IMPG1: variants seen among roughly 807,000 people sequenced by gnomAD.
IMPG1 encodes the protein interphotoreceptor matrix proteoglycan 1.
Under a neutral mutation model 92.0 loss-of-function variants are expected in IMPG1, and 85 were observed. That is an observed-to-expected ratio of 0.92 (90% CI 0.78 to 1.11). The LOEUF is 1.11. Among genes scored for constraint, IMPG1 ranks in the 50% least tolerant of loss-of-function variants. The pLI is 0.00. For synonymous variants in IMPG1, 367 were observed against 334.1 expected (o/e 1.10, Z -1.08); for missense variants, 1,022 against 956.0 (o/e 1.07, Z -0.91).
intron 12 of IMPG1, among the ~76,000 whole-genome samples, chr6:75,971,194 C>A (rs892782694): frequency 6.6e-6 from 1 of 152,008 alleles, no homozygotes; most frequent in Non-Finnish European, 1.5e-5. Context: ...TGGAAACCAT[C>A]ATTCTCAGCA....
intron 2 of IMPG1, among the ~76,000 whole-genome samples, chr6:76,038,854 C>G (rs1783787769): frequency 6.6e-6 from 1 of 152,222 alleles, no homozygotes; most frequent in Admixed American, 6.5e-5. Context: ...GAGCACATAC[C>G]CTGGAGGCCA....
At chr6:75,989,871 T>G (rs1055899716) in intron 12 of IMPG1, among the ~76,000 whole-genome samples, 1 of 152,128 alleles carries the variant, frequency 6.6e-6, no homozygotes, top group African/African-American at 2.4e-5. Context: ...AATAATTATA[T>G]GTAGATCTTG....
chr6:76,014,251 GC>G (rs1783244233), intron 7 of IMPG1, among the ~76,000 whole-genome samples: 1 of 152,172 alleles, frequency 6.6e-6, no homozygotes, highest in Admixed American at 6.5e-5. Flanking sequence ...GCTCCTGAGA[GC>G]CCATTTTTCT....
chr6:75,939,075 G>A (rs1236724632), intron 14 of IMPG1, among the ~76,000 whole-genome samples: 5 of 152,194 alleles, frequency 3.3e-5, no homozygotes, highest in Non-Finnish European at 7.4e-5. Context: ...CTGGGCTCAA[G>A]CAATCCACCT....
At chr6:76,001,612 T>C (rs1782990748) in intron 12 of IMPG1, among the ~76,000 whole-genome samples, 1 of 152,052 alleles carries the variant, frequency 6.6e-6, no homozygotes, top group African/African-American at 2.4e-5. Flanking sequence ...AGAGAAGAAA[T>C]GAGGCCCCCA....
chr6:75,969,811 G>C (rs936441671), intron 12 of IMPG1, among the ~76,000 whole-genome samples: 1 of 152,026 alleles, frequency 6.6e-6, no homozygotes, highest in Non-Finnish European at 1.5e-5. Context: ...AATTTCAAAC[G>C]TATCTATATT....
intron 12 of IMPG1, among the ~76,000 whole-genome samples, chr6:76,000,038 C>T (rs566086119): frequency 7.0e-4 from 107 of 152,236 alleles, no homozygotes; most frequent in Non-Finnish European, 1.2e-3. Context: ...GTACTATAAC[C>T]GAGACTGTCC....
rs1782180338 is a variant in IMPG1 at position 75,959,479 on chromosome 6, C to T, written c.1292-8385G>A. 1.3e-5 allele frequency among the ~76,000 whole-genome samples: 2 copies of T among 152,344 alleles called. 1 individual carries two copies. The highest frequency in any genetic ancestry group is 4.1e-4 in the South Asian group (2 of 4,826). ...GAAGCTGCATCCACAGCCCCCCCTT[C>T]CCCCAGGTGCTCTGTCCCAGGGAGA... On this transcript the variant is annotated intron_variant, in intron 12 of 16. Coordinates refer to ENST00000369950, the MANE Select transcript of IMPG1 (RefSeq NM_001563.4).
At chr6:75,936,069 C>T (rs1467649001) in intron 14 of IMPG1, among the ~76,000 whole-genome samples, 1 of 152,226 alleles carries the variant, frequency 6.6e-6, no homozygotes, top group Admixed American at 6.5e-5. Flanking sequence ...AGAGAGTGGA[C>T]CTGCTCATCT....
intron 12 of IMPG1, among the ~76,000 whole-genome samples, chr6:76,001,928 T>C (rs1247791405): frequency 6.6e-5 from 10 of 152,208 alleles, no homozygotes; most frequent in Non-Finnish European, 1.5e-4. Context: ...ATACCATATA[T>C]GTATTCCTGA....
intron 4 of IMPG1, among the ~76,000 whole-genome samples, chr6:76,027,494 A>G (rs1783568636): frequency 6.6e-6 from 1 of 152,228 alleles, no homozygotes; most frequent in Admixed American, 6.5e-5. Flanking sequence ...AGAATAGTAA[A>G]ATGTGTTTTT....
chr6:76,015,876 T>C (rs1432383532), intron 7 of IMPG1, among the ~76,000 whole-genome samples: 1 of 151,046 alleles, frequency 6.6e-6, no homozygotes, highest in Non-Finnish European at 1.5e-5. Flanking sequence ...AATAGTCCCT[T>C]CCCACAAACA....
chr6:76,063,903 A>G (rs1260438507), intron 1 of IMPG1, among the ~76,000 whole-genome samples: 3 of 152,098 alleles, frequency 2.0e-5, no homozygotes, highest in Admixed American at 1.3e-4. Flanking sequence ...GGTGCTCAAG[A>G]GCTTCCCGCT....
chr6:75,973,030 A>G (rs937281158), intron 12 of IMPG1, among the ~76,000 whole-genome samples: 4 of 152,192 alleles, frequency 2.6e-5, no homozygotes, highest in Non-Finnish European at 5.9e-5. Context: ...GGAATGCAGT[A>G]GTACAATCAT....
In IMPG1 at chr6:75,922,133, C is replaced by T. The variant is rs576579238; in HGVS notation, c.2350G>A (p.Val784Ile). Residue 784 changes from valine (V) to isoleucine (I), a missense_variant, in exon 17 of 17, where the codon GTA becomes ATA. Physicochemically the swap from Val to Ile is conservative, Grantham distance 29 (BLOSUM62 3). Coordinates refer to ENST00000369950, the MANE Select transcript of IMPG1 (RefSeq NM_001563.4). ...TGATGGTTAAATTCTTCATATTCTACGGTCAGTAATTCAGAATTTCTTTTA... is the reference window on the plus strand; with the variant it reads ...TGATGGTTAAATTCTTCATATTCTATGGTCAGTAATTCAGAATTTCTTTTA... ...ISKRNSELLTVEYEEFNHQDW... is the reference protein window; with the variant it reads ...ISKRNSELLTIEYEEFNHQDW... 104 of 1,410,134 alleles carry T rather than the reference C, an allele frequency of 7.4e-5. No individual in the cohort carries two copies. Among genetic ancestry groups the T allele is most frequent in the Admixed American group, 3.1e-4 (17 of 55,532 alleles). The allele number at this position is 1,410,134 out of a possible 1,614,324, so 87.4% of individuals were successfully genotyped here.
At chr6:75,932,425 C>A (rs1330439410) in intron 14 of IMPG1, among the ~76,000 whole-genome samples, 1 of 152,128 alleles carries the variant, frequency 6.6e-6, no homozygotes, top group Non-Finnish European at 1.5e-5. Context: ...ATTTTGATGA[C>A]CCTCTTTACT....
intron 15 of IMPG1, among the ~76,000 whole-genome samples, chr6:75,924,786 A>G (rs1432467984): frequency 2.0e-5 from 2 of 100,856 alleles, no homozygotes; most frequent in African/African-American, 4.0e-5. Flanking sequence ...ATATAATAGA[A>G]TACTATTAAG....
chr6:76,027,154 T>C (rs1381055398), intron 4 of IMPG1, among the ~76,000 whole-genome samples: 1 of 152,304 alleles, frequency 6.6e-6, no homozygotes, highest in East Asian at 1.9e-4. Flanking sequence ...AAAACAGCCT[T>C]AAAGATTATT....
intron 11 of IMPG1, 78 bp downstream of exon 11, chr6:76,003,796 T>C: frequency 9.1e-7 from 1 of 1,102,232 alleles, no homozygotes; most frequent in Non-Finnish European, 1.4e-6. Flanking sequence ...TCTGTTCATT[T>C]CTTAAGCTGA....
Sources: allele counts gnomAD v4.1 joint callset (sites outside exome capture counted in the v4.1 genomes callset), GRCh38; gene constraint gnomAD v4.1.1; transcripts MANE v1.5; gene names NCBI Gene and HGNC (gene_info 2026-07-23, HGNC 2026-07-21).